CNTLN: variants seen among roughly 807,000 people sequenced by gnomAD.
The protein encoded by CNTLN is centlein, also known as centlein, centrosomal protein.
CNTLN carries 212 observed loss-of-function variants against 180.0 expected under a neutral mutation model. The ratio of observed to expected loss-of-function variants is 1.18; its 90% CI spans 1.05 to 1.32. The LOEUF (loss-of-function observed/expected upper bound fraction) is 1.32, where lower values mean the gene tolerates loss of function less well. CNTLN is among the 40% of genes most tolerant of loss of function. CNTLN has a pLI of 0.00. For missense variants in CNTLN, 2,095 were observed against 1,610.9 expected, an observed-to-expected ratio of 1.30 and a Z score of -5.14; for synonymous variants, 722 against 563.1, an observed-to-expected ratio of 1.28 and a Z score of -3.99.
At chr9:17,313,998 T>C (rs10963027) in intron 8 of CNTLN, among the ~76,000 whole-genome samples, 2 of 151,870 alleles carry the variant, frequency 1.3e-5, no homozygotes, top group African/African-American at 2.4e-5. Flanking sequence ...CCTCCTGAAG[T>C]GCTAGGATTA....
At chr9:17,204,893 G>A (rs1466343965) in intron 2 of CNTLN, among the ~76,000 whole-genome samples, 1 of 152,174 alleles carries the variant, frequency 6.6e-6, no homozygotes, top group Admixed American at 6.5e-5. Flanking sequence ...TGCCCAGTGA[G>A]GAGAAATCTA....
intron 2 of CNTLN, among the ~76,000 whole-genome samples, chr9:17,173,674 A>T (rs1187890741): frequency 6.6e-6 from 1 of 152,202 alleles, no homozygotes; most frequent in Non-Finnish European, 1.5e-5. Flanking sequence ...ACAAAGAAAC[A>T]TTGTTGGAGA....
rs547153925 is a variant in CNTLN, at chr9:17,215,272, G to C, written c.450-10931G>C. On this transcript the variant is annotated intron_variant, in intron 2 of 25. Transcript: ENST00000380647. The stretch of plus-strand genomic sequence containing the variant: ...CTGTTTGTTAGTTCTCCTTCTAACA[G>C]TCAGGACCATTAGCTGCATGTCTGT... 2.6e-5 allele frequency among the ~76,000 whole-genome samples: 4 copies of C among 152,354 alleles called. 1 individual carries two copies. In the South Asian group the frequency reaches 8.3e-4, roughly 32 times the overall value.
At chr9:17,270,947 CTTTTTTTTT>C (rs78896738) in intron 5 of CNTLN, among the ~76,000 whole-genome samples, 2 of 122,144 alleles carry the variant, frequency 1.6e-5, no homozygotes, top group Non-Finnish European at 3.3e-5. Flanking sequence ...GAGAGGAGTT[CTTTTTTTTT>C]TTTTTTTTTT....
At chr9:17,313,779 C>G (rs1819366290) in intron 8 of CNTLN, among the ~76,000 whole-genome samples, 1 of 152,150 alleles carries the variant, frequency 6.6e-6, no homozygotes, top group African/African-American at 2.4e-5. Flanking sequence ...TGTTGGTCCA[C>G]AGATTAGTAA....
chr9:17,277,816 A>G (rs1828409337), intron 6 of CNTLN, among the ~76,000 whole-genome samples: 1 of 152,172 alleles, frequency 6.6e-6, no homozygotes, highest in Admixed American at 6.6e-5. Context: ...ACCTCTATTC[A>G]GAGAATTCTA....
chr9:17,476,551 C>T (rs1832358856), intron 23 of CNTLN, among the ~76,000 whole-genome samples: 1 of 152,226 alleles, frequency 6.6e-6, no homozygotes, highest in South Asian at 2.1e-4. Context: ...AATGCTACTT[C>T]ATGAATACAC....
At chr9:17,525,474 T>A in the CNTLN span, among the ~76,000 whole-genome samples, 1 of 152,204 alleles carries the variant, frequency 6.6e-6, no homozygotes, top group Non-Finnish European at 1.5e-5. Context: ...TGGTTTACCA[T>A]ATAAAAATGT....
intron 7 of CNTLN, among the ~76,000 whole-genome samples, chr9:17,305,738 G>A (rs1245397231): frequency 6.6e-6 from 1 of 152,136 alleles, no homozygotes; most frequent in Non-Finnish European, 1.5e-5. Context: ...CTGCTGGACT[G>A]AGGCCTAGAG....
chr9:17,150,004 T>G (rs1356186400), intron 2 of CNTLN, among the ~76,000 whole-genome samples: 1 of 152,218 alleles, frequency 6.6e-6, no homozygotes, highest in African/African-American at 2.4e-5. Flanking sequence ...TGGAACTTTT[T>G]TTTTCTGGTA....
chr9:17,415,539 G>T (rs572271990), intron 16 of CNTLN, among the ~76,000 whole-genome samples: 1 of 152,122 alleles, frequency 6.6e-6, no homozygotes, highest in Non-Finnish European at 1.5e-5. Context: ...ATCAGTTATA[G>T]AATTTTATCA....
At chr9:17,349,747 A>T (rs1250819202) in intron 12 of CNTLN, among the ~76,000 whole-genome samples, 1 of 152,202 alleles carries the variant, frequency 6.6e-6, no homozygotes, top group Non-Finnish European at 1.5e-5. Context: ...AAGGCCAAGA[A>T]CTTAGTAATC....
At chr9:17,139,515 C>T (rs115398696) in intron 1 of CNTLN, among the ~76,000 whole-genome samples, 2,083 of 151,978 alleles carry the variant, frequency 0.014, 50 homozygotes, top group African/African-American at 0.047. Context: ...CAAAAATTAG[C>T]GGAGTGTGGC....
chr9:17,272,014 C>A (rs1221744314), intron 5 of CNTLN, among the ~76,000 whole-genome samples: 1 of 146,264 alleles, frequency 6.8e-6, no homozygotes, highest in Non-Finnish European at 1.5e-5. Context: ...GATAGTGTCC[C>A]CTCCCTCCCT....
intron 15 of CNTLN, 124 bp from the exon 16 acceptor site, chr9:17,409,169 C>G (rs1827644128): frequency 1.3e-6 from 1 of 758,742 alleles, no homozygotes; most frequent in African/African-American, 1.8e-5. Flanking sequence ...CCAGTAAATG[C>G]CCACGTTAAA....
intron 18 of CNTLN, among the ~76,000 whole-genome samples, chr9:17,437,435 T>C (rs1190483123): frequency 6.6e-6 from 1 of 152,206 alleles, no homozygotes; most frequent in East Asian, 1.9e-4. Context: ...TAAAGCAGTG[T>C]TATAATATAT....
chr9:17,269,336 C>G (rs1284905842), intron 5 of CNTLN, among the ~76,000 whole-genome samples: 1 of 151,982 alleles, frequency 6.6e-6, no homozygotes, highest in Non-Finnish European at 1.5e-5. Flanking sequence ...CTAATTGTTT[C>G]CAATGTGTAA....
At chr9:17,204,106 A>G (rs1248942210) in intron 2 of CNTLN, among the ~76,000 whole-genome samples, 2 of 152,210 alleles carry the variant, frequency 1.3e-5, no homozygotes, top group Non-Finnish European at 2.9e-5. Context: ...GGGTTAGAAC[A>G]TGTTCCTTTA....
At chr9:17,513,391 A>G in the CNTLN span, among the ~76,000 whole-genome samples, 2 of 152,166 alleles carry the variant, frequency 1.3e-5, no homozygotes, top group African/African-American at 4.8e-5. Context: ...TTAAATATAG[A>G]ACTTAAGAAA....
Sources: gnomAD v4.1 joint callset for allele counts (sites outside exome capture counted in the v4.1 genomes callset) on GRCh38, gnomAD v4.1.1 for gene constraint, MANE v1.5 for transcripts, NCBI Gene and HGNC (gene_info 2026-07-23, HGNC 2026-07-21) for gene names.